Variants in CACNA2D3 observed in about 807,000 individuals in gnomAD.
CACNA2D3 encodes the protein calcium voltage-gated channel auxiliary subunit alpha2delta 3.
In CACNA2D3, 60 loss-of-function variants were observed where a neutral mutation model predicts 160.6. The observed-to-expected ratio is 0.37, with a 90% CI of 0.30 to 0.46. The LOEUF is 0.46. Ranked by LOEUF, CACNA2D3 falls within the 20% of genes least tolerant of loss-of-function variation. The pLI, the probability that CACNA2D3 is intolerant of heterozygous loss-of-function variation, is 1.00. For synonymous variants in CACNA2D3, 558 were observed against 492.9 expected (o/e 1.13, Z -1.75); for missense variants, 1,205 against 1,365.0 (o/e 0.88, Z 1.85).
At chr3:54,228,916 A>G (rs114899810) in intron 2 of CACNA2D3, among the ~76,000 whole-genome samples, 1,645 of 152,298 alleles carry the variant, frequency 0.011, 27 homozygotes, top group African/African-American at 0.037. Context: ...AGACCCTGAG[A>G]TCTTTCCAGA....
At chr3:54,737,644 G>C (rs1270558487) in intron 11 of CACNA2D3, among the ~76,000 whole-genome samples, 4 of 152,128 alleles carry the variant, frequency 2.6e-5, no homozygotes, top group African/African-American at 7.2e-5. Flanking sequence ...GGCCTCTATA[G>C]AGCTGTGAGC....
chr3:54,367,010 C>T (rs574631653), intron 3 of CACNA2D3, among the ~76,000 whole-genome samples: 7 of 152,264 alleles, frequency 4.6e-5, no homozygotes, highest in South Asian at 2.1e-4. Flanking sequence ...AATGTTGTGG[C>T]GGGAATCCAG....
intron 31 of CACNA2D3, among the ~76,000 whole-genome samples, chr3:54,992,629 C>A (rs1261265532): frequency 6.6e-6 from 1 of 152,096 alleles, no homozygotes; most frequent in African/African-American, 2.4e-5. Flanking sequence ...GAGCCCCCAG[C>A]CCATCTTTTT....
intron 3 of CACNA2D3, among the ~76,000 whole-genome samples, chr3:54,327,189 A>C (rs528174857): frequency 2.0e-5 from 3 of 152,228 alleles, no homozygotes; most frequent in Admixed American, 2.0e-4. Flanking sequence ...GTTTGAGCCA[A>C]CCTGAGCCTC....
chr3:54,831,434 C>A (rs916057203), intron 14 of CACNA2D3, among the ~76,000 whole-genome samples: 1 of 152,214 alleles, frequency 6.6e-6, no homozygotes, highest in African/African-American at 2.4e-5. Context: ...ATGAAGAAGG[C>A]AACCCAAACA....
chr3:54,323,350 G>A (rs76615011), intron 3 of CACNA2D3, among the ~76,000 whole-genome samples: 1,938 of 152,222 alleles, frequency 0.013, 27 homozygotes, highest in South Asian at 0.044. Flanking sequence ...ATTATTTGTA[G>A]CCTTGCACTG....
chr3:54,213,066 C>A (rs1317784642), intron 2 of CACNA2D3, among the ~76,000 whole-genome samples: 1 of 152,122 alleles, frequency 6.6e-6, no homozygotes, highest in African/African-American at 2.4e-5. Context: ...AGAATCTCCA[C>A]CATCAATTGT....
chr3:54,154,065 G>A (rs1237786498), intron 2 of CACNA2D3, among the ~76,000 whole-genome samples: 1 of 152,184 alleles, frequency 6.6e-6, no homozygotes, highest in Non-Finnish European at 1.5e-5. Context: ...TGGCATGATT[G>A]CTAGGATTTA....
chr3:54,214,049 A>T (rs1441376192), intron 2 of CACNA2D3, among the ~76,000 whole-genome samples: 1 of 152,126 alleles, frequency 6.6e-6, no homozygotes, highest in Non-Finnish European at 1.5e-5. Flanking sequence ...ATTTGCTGAG[A>T]TATCTTAGTT....
intron 13 of CACNA2D3, among the ~76,000 whole-genome samples, chr3:54,785,659 G>A (rs13081825): frequency 0.37 from 56,063 of 151,984 alleles, 12,000 homozygotes; most frequent in Non-Finnish European, 0.47. Flanking sequence ...TGCAAATCCT[G>A]CATGACATGT....
At chr3:54,890,448 A>G (rs1042096675) in intron 24 of CACNA2D3, among the ~76,000 whole-genome samples, 24 of 149,086 alleles carry the variant, frequency 1.6e-4, no homozygotes, top group African/African-American at 5.9e-4. Context: ...GTGAGCCGAG[A>G]TAGCGCCATT....
At chr3:54,198,155 C>T (rs922803744) in intron 2 of CACNA2D3, among the ~76,000 whole-genome samples, 4 of 152,194 alleles carry the variant, frequency 2.6e-5, no homozygotes, top group East Asian at 1.9e-4. Flanking sequence ...ATAACAAGGA[C>T]GGGAGCAAAC....
chr3:54,367,207 A>G (rs1351934524), intron 3 of CACNA2D3, among the ~76,000 whole-genome samples: 5 of 151,962 alleles, frequency 3.3e-5, no homozygotes, highest in Non-Finnish European at 5.9e-5. Flanking sequence ...TTTTTAAACT[A>G]CAGGATTAAC....
chr3:54,938,383 C>G (rs552159716), intron 27 of CACNA2D3, among the ~76,000 whole-genome samples: 19 of 152,340 alleles, frequency 1.2e-4, no homozygotes, highest in African/African-American at 4.3e-4. Context: ...TGGGGCCATC[C>G]ATGGCCTCAG....
intron 9 of CACNA2D3, among the ~76,000 whole-genome samples, chr3:54,597,228 C>G (rs937688121): frequency 6.6e-5 from 10 of 152,198 alleles, no homozygotes; most frequent in African/African-American, 2.4e-4. Flanking sequence ...TAGCCAGTCT[C>G]TGATCTTTTC....
chr3:54,764,166 T>A lies in CACNA2D3; in HGVS notation c.1247-52T>A. 10 of 1,604,958 alleles carry A rather than the reference T, an allele frequency of 6.2e-6. No homozygotes were observed. The Admixed American group carries it at 6.7e-5, about 11-fold the overall frequency. On this transcript the variant is annotated intron_variant, in intron 12 of 37. Transcript: ENST00000474759. ...GGCATGGCATATGCATATTCCCAGTTGCAAGTCTTTCTGTCTGTTACTAAA... is the reference window on the plus strand; with the variant it reads ...GGCATGGCATATGCATATTCCCAGTAGCAAGTCTTTCTGTCTGTTACTAAA...
chr3:55,072,113 C>G (rs887377961), intron 35 of CACNA2D3, among the ~76,000 whole-genome samples: 6 of 152,166 alleles, frequency 3.9e-5, no homozygotes, highest in African/African-American at 1.4e-4. Context: ...AGCAAAACAG[C>G]AAGACTGAAT....
chr3:54,930,964 T>C (rs1359262148), intron 27 of CACNA2D3, among the ~76,000 whole-genome samples: 2 of 152,066 alleles, frequency 1.3e-5, no homozygotes, highest in African/African-American at 4.8e-5. Flanking sequence ...GGCGTGATGG[T>C]GGCCTTCTGT....
chr3:55,004,662 T>C, intron 31 of CACNA2D3, 101 bp from the exon 32 acceptor site: 1 of 756,440 alleles, frequency 1.3e-6, no homozygotes, highest in Admixed American at 2.1e-5. Flanking sequence ...TTTGTCACCG[T>C]TGCACTTGAT....
Sources: gnomAD v4.1 joint callset for allele counts (sites outside exome capture counted in the v4.1 genomes callset) on GRCh38, gnomAD v4.1.1 for gene constraint, MANE v1.5 for transcripts, NCBI Gene and HGNC (gene_info 2026-07-23, HGNC 2026-07-21) for gene names.